UTRN: variants seen among roughly 807,000 people sequenced by gnomAD.
UTRN encodes utrophin.
A neutral mutation model predicts 463.9 loss-of-function variants in UTRN; 283 were observed. The observed-to-expected ratio is 0.61, with a 90% CI of 0.55 to 0.67. UTRN has a LOEUF of 0.67. UTRN is among the 30% of genes least tolerant of loss of function. UTRN has a pLI of 0.00. For synonymous variants in UTRN, 1,442 were observed against 1,431.5 expected (o/e 1.01, Z -0.17); for missense variants, 3,922 against 4,084.3 (o/e 0.96, Z 1.08).
chr6:144,348,657 C>G (rs149292354), intron 2 of UTRN, among the ~76,000 whole-genome samples: 2,231 of 152,176 alleles, frequency 0.015, 53 homozygotes, highest in African/African-American at 0.051. Flanking sequence ...AAGAATCGGC[C>G]GGTGCGGTGG....
intron 65 of UTRN, among the ~76,000 whole-genome samples, chr6:144,808,450 C>G (rs2128749111): frequency 6.6e-6 from 1 of 152,124 alleles, no homozygotes; most frequent in East Asian, 1.9e-4. Flanking sequence ...TTAAAATCAT[C>G]TTTGTTGTAA....
At chr6:144,740,688 A>G (rs910823750) in intron 54 of UTRN, among the ~76,000 whole-genome samples, 1 of 152,252 alleles carries the variant, frequency 6.6e-6, no homozygotes, top group Non-Finnish European at 1.5e-5. Flanking sequence ...CTAGTCTTCA[A>G]CTTTTCTAAA....
rs761466941 is a variant in UTRN, at chr6:144,537,614, A to G, written c.6266A>G (p.Tyr2089Cys). 2 of 1,608,016 alleles carry G rather than the reference A, an allele frequency of 1.2e-6. No individual in the cohort carries two copies. Among genetic ancestry groups the G allele is most frequent in the South Asian group, 2.2e-5 (2 of 90,010 alleles). The change falls in exon 44 of 75, where the codon TAC (tyrosine) becomes TGC (cysteine). Residue 2089 changes from tyrosine (Y) to cysteine (C), a missense_variant. Coordinates refer to ENST00000367545, the MANE Select transcript of UTRN (RefSeq NM_007124.3). Reference protein sequence around the residue: ...LKGESKQVMKYRHQLDEIICW... With the variant: ...LKGESKQVMKCRHQLDEIICW... ...GGAGAAAGTAAGCAGGTGATGAAGT[A>G]CAGGCATCAGCTAGATGAGATTATC...
chr6:144,290,879 A>T lies in UTRN; in HGVS notation c.-92-858A>T, dbSNP rs556763023. Among the ~76,000 whole-genome samples the T allele has an allele frequency of 8.8e-5, 13 of 146,976 alleles. No homozygotes were observed. The East Asian group carries it at 2.4e-3, about 28-fold the overall frequency. On this transcript the variant is annotated intron_variant, in intron 1 of 74. Coordinates refer to ENST00000367545, the MANE Select transcript of UTRN (RefSeq NM_007124.3). ...TCCCAGGTTCAAGCAATTCTCCTGC[A>T]TTAGCCTCCTGAGTAGCTGGGATTA...
intron 46 of UTRN, among the ~76,000 whole-genome samples, chr6:144,544,494 A>G (rs375157874): frequency 6.6e-6 from 1 of 152,246 alleles, no homozygotes; most frequent in East Asian, 1.9e-4. Flanking sequence ...GATATTTCAT[A>G]TAAATGGAGT....
At chr6:144,522,874 G>T in intron 40 of UTRN, 142 bp from the exon 41 acceptor site, 1 of 700,120 alleles carries the variant, frequency 1.4e-6, no homozygotes, top group Non-Finnish European at 2.2e-6. Flanking sequence ...AAAAAAAAAA[G>T]TTTTCAGTTT....
intron 9 of UTRN, among the ~76,000 whole-genome samples, chr6:144,433,787 C>T (rs1474196515): frequency 6.6e-6 from 1 of 151,662 alleles, no homozygotes; most frequent in African/African-American, 2.4e-5. Context: ...GATGGGATGG[C>T]GGCCGGGAAG....
At chr6:144,484,206 A>G (rs532704634) in intron 27 of UTRN, among the ~76,000 whole-genome samples, 4 of 152,274 alleles carry the variant, frequency 2.6e-5, no homozygotes, top group African/African-American at 9.6e-5. Flanking sequence ...ATCAAAACCA[A>G]CACAGTAAGA....
At chr6:144,490,616 T>C (rs541566945) in intron 31 of UTRN, among the ~76,000 whole-genome samples, 1 of 152,352 alleles carries the variant, frequency 6.6e-6, no homozygotes, top group African/African-American at 2.4e-5. Context: ...GAGTTCTAGG[T>C]TCCTGAACTA....
At chr6:144,479,463 T>C (rs1048442338) in intron 25 of UTRN, among the ~76,000 whole-genome samples, 5 of 152,172 alleles carry the variant, frequency 3.3e-5, no homozygotes, top group Non-Finnish European at 5.9e-5. Context: ...CTTTTTTCCA[T>C]TATAAGTAGT....
intron 13 of UTRN, among the ~76,000 whole-genome samples, 172 bp from the exon 14 acceptor site, chr6:144,444,109 G>C (rs1787431203): frequency 6.6e-6 from 1 of 152,086 alleles, no homozygotes; most frequent in African/African-American, 2.4e-5. Flanking sequence ...TAGTTTTTCT[G>C]ATTCATACAT....
At chr6:144,833,418 G>C (rs1024642981) in intron 69 of UTRN, among the ~76,000 whole-genome samples, 15 of 152,012 alleles carry the variant, frequency 9.9e-5, no homozygotes, top group African/African-American at 3.1e-4. Flanking sequence ...TTGATTTCTG[G>C]CAGATTGCTT....
chr6:144,426,238 TAAATTACTGA>T (rs1351536289), intron 6 of UTRN, 39 bp from the exon 7 acceptor site: 1 of 1,552,628 alleles, frequency 6.4e-7, no homozygotes, highest in South Asian at 1.2e-5. Flanking sequence ...TAAGTTGAAG[TAAATTACTGA>T]AGTATTAGTT....
chr6:144,744,606 CACACACACACACACACACACACAT>C lies in UTRN; in HGVS notation c.7940-3617_7940-3594del, dbSNP rs1199721560. On this transcript the variant is annotated intron_variant, in intron 54 of 74. Transcript: ENST00000367545. ...GGAGAATGGAGAGTGACAGGGCATA[CACACACACACACACACACACACAT>C]ACACACACACACACACACACACTTT... Among the ~76,000 whole-genome samples the C allele has an allele frequency of 1.3e-4, 13 of 96,878 alleles. No individual in the cohort carries two copies. The East Asian group carries it at 0.012, about 88-fold the overall frequency. 63.6% of individuals were successfully genotyped at this position (96,878 alleles called of 152,430 possible).
At chr6:144,613,010 A>T (rs753693490) in intron 51 of UTRN, among the ~76,000 whole-genome samples, 8 of 152,134 alleles carry the variant, frequency 5.3e-5, no homozygotes, top group Non-Finnish European at 1.0e-4. Flanking sequence ...CCATAATGGT[A>T]TACTATTCAT....
intron 2 of UTRN, among the ~76,000 whole-genome samples, chr6:144,364,921 A>G (rs1056094733): frequency 5.9e-5 from 9 of 152,074 alleles, no homozygotes; most frequent in South Asian, 2.1e-4. Flanking sequence ...TTCCTTTTCC[A>G]CTTAGAAGGC....
At chr6:144,444,015 G>A (rs1169219174) in intron 13 of UTRN, among the ~76,000 whole-genome samples, 3 of 152,106 alleles carry the variant, frequency 2.0e-5, no homozygotes, top group African/African-American at 4.8e-5. Context: ...GAAAGAGCAG[G>A]TTTGGAGTCA....
Position 144,771,976 on chromosome 6 carries a change from T to C in UTRN, c.8557+8T>C, listed in dbSNP as rs1287585508. On this transcript the variant is annotated splice_region_variant and intron_variant, in intron 59 of 74. Transcript: ENST00000367545. Reference sequence around the variant, plus strand: ...AACTCTTTCAATCCCTTGGTAAGTGTTATTAATAGTAATAAATTAACCTAA... The same window carrying C: ...AACTCTTTCAATCCCTTGGTAAGTGCTATTAATAGTAATAAATTAACCTAA... The C allele has an allele frequency of 6.6e-7, 1 of 1,520,468 alleles. No individual in the cohort carries two copies. The highest frequency in any genetic ancestry group is 8.9e-7 in the Non-Finnish European group (1 of 1,128,028). 94.2% of individuals were successfully genotyped at this position (1,520,468 alleles called of 1,614,324 possible). A position where few individuals can be genotyped will look rare whatever the true frequency, so the allele number is the denominator to read the frequency against.
intron 50 of UTRN, among the ~76,000 whole-genome samples, chr6:144,568,360 T>G (rs1018840483): frequency 1.3e-5 from 2 of 152,180 alleles, no homozygotes; most frequent in African/African-American, 4.8e-5. Context: ...AGAAAAAAAT[T>G]TCTTTGCCTT....
Sources: allele counts gnomAD v4.1 joint callset (sites outside exome capture counted in the v4.1 genomes callset), GRCh38; gene constraint gnomAD v4.1.1; transcripts MANE v1.5; gene names NCBI Gene and HGNC (gene_info 2026-07-23, HGNC 2026-07-21).